EPHA2: variants seen among roughly 807,000 people sequenced by gnomAD.
The protein encoded by EPHA2 is ephrin type-A receptor 2.
EPHA2 carries 54 observed loss-of-function variants against 104.9 expected under a neutral mutation model. That is an observed-to-expected ratio of 0.51 (90% CI 0.41 to 0.65). The LOEUF (loss-of-function observed/expected upper bound fraction) is 0.65. EPHA2 is among the 30% of genes least tolerant of loss of function. The pLI is 0.00. For missense variants in EPHA2, 1,117 were observed against 1,369.5 expected (o/e 0.82, Z 2.91); for synonymous variants, 560 against 559.1 (o/e 1.00, Z -0.02).
At chr1:16,153,296 C>T (rs941870689) in intron 1 of EPHA2, 35 of 985,330 alleles carry the variant, frequency 3.6e-5, no homozygotes, top group East Asian at 1.1e-4. Flanking sequence ...GTTCCCTCCC[C>T]GCTTCCCCCA....
Position 16,133,848 on chromosome 1 carries a change from G to A in EPHA2, c.1738+12C>T, listed in dbSNP as rs1489517050. On this transcript the variant is annotated intron_variant, in intron 9 of 16. Coordinates refer to ENST00000358432, the MANE Select transcript of EPHA2 (RefSeq NM_004431.5). ...GGGCAGGGCTGGGCCTGGAGCGGGG[G>A]CTGCGTCTCACCTGACTTGGAGAAG... 5.8e-6 allele frequency: 9 copies of A among 1,544,012 alleles called. No homozygotes were observed. In the South Asian group the frequency reaches 7.2e-5, roughly 12 times the overall value.
In EPHA2 at chr1:16,133,315, CCTT is replaced by C. The variant is rs2024614685; in HGVS notation, c.1915_1917del (p.Lys639del). 6.2e-7 allele frequency: 1 copy of C among 1,613,872 alleles called. No homozygotes were observed. Among genetic ancestry groups the C allele is most frequent in the Non-Finnish European group, 8.5e-7 (1 of 1,179,950 alleles). ...AGCGTCTTGATGGCCACCGGCACCT[CCTT>C]CTTCCCCGAGGATGTCTTCAGCATG... On this transcript the variant is annotated inframe_deletion, in exon 11 of 17. Transcript: ENST00000358432.
rs1244783978 is a variant in EPHA2, at chr1:16,135,492, T to G, written c.1428+163A>C. 1 of 770,926 alleles carries G rather than the reference T, an allele frequency of 1.3e-6. No individual in the cohort carries two copies. Among genetic ancestry groups the G allele is most frequent in the East Asian group, 2.7e-5 (1 of 37,518 alleles). The allele number at this position is 770,926 out of a possible 1,614,324, so 47.8% of individuals were successfully genotyped here. A position where few individuals can be genotyped will look rare whatever the true frequency, so the allele number is the denominator to read the frequency against. The stretch of plus-strand genomic sequence containing the variant: ...TCTCTCGTACAAATCTCTGCTGTGC[T>G]GCCTTGGGAGATGTAACCCCCTGGC... On this transcript the variant is annotated intron_variant, in intron 6 of 16. Coordinates refer to ENST00000358432, the MANE Select transcript of EPHA2 (RefSeq NM_004431.5). The surrounding 1 kb of genome is among the most constrained non-coding windows in gnomAD (Gnocchi z 4.3).
rs2024438344 is a variant in EPHA2 at position 16,125,008 on chromosome 1, C to T, written c.*207G>A. ...GCTAAGTGCTCAGCTGTGTGCGTCT[C>T]GCAGGGAAAGAGGGCCCAGCCCAGC... On this transcript the variant is annotated 3_prime_UTR_variant, in exon 17 of 17. Coordinates refer to ENST00000358432, the MANE Select transcript of EPHA2 (RefSeq NM_004431.5). This position sits in a 1 kb window ranked among gnomAD's most constrained non-coding sequence, Gnocchi z 4.9. 6.6e-6 allele frequency: 4 copies of T among 607,920 alleles called. No homozygotes were observed. The highest frequency in any genetic ancestry group is 5.1e-5 in the Admixed American group (2 of 39,492). 37.7% of individuals were successfully genotyped at this position (607,920 alleles called of 1,614,324 possible).
Position 16,132,085 on chromosome 1 carries a change from G to C in EPHA2, c.2304C>G (p.Pro768=), listed in dbSNP as rs780234889. The change falls in exon 13 of 17, where the codon CCC becomes CCG. Residue 768 remains proline, a synonymous_variant. Transcript: ENST00000358432. ...FGLSRVLEDD[P]EATYTTSGGK... is the part of the protein sequence containing the mutation. ...TTACACTGGTGGTGTAGGTGGCCTC[G>C]GGGTCGTCCTCCAGCACGCGGGACA... 3.8e-5 allele frequency: 61 copies of C among 1,614,044 alleles called. No homozygotes were observed. Among genetic ancestry groups the C allele is most frequent in the Non-Finnish European group, 4.7e-5 (56 of 1,180,032 alleles).
rs979932770 is a variant in EPHA2, at chr1:16,130,581, C to G, written c.2476-162G>C. On this transcript the variant is annotated intron_variant, in intron 14 of 16. Coordinates refer to ENST00000358432, the MANE Select transcript of EPHA2 (RefSeq NM_004431.5). This position sits in a 1 kb window ranked among gnomAD's most constrained non-coding sequence, Gnocchi z 4.5. ...AGCTGCCACCCAACCTTCAGAGCTG[C>G]CCAAAGGGCAAATGCCTAAGGGTCT... Among the ~76,000 whole-genome samples, 6 of 152,046 alleles carry G rather than the reference C, an allele frequency of 3.9e-5. No individual in the cohort carries two copies. The highest frequency in any genetic ancestry group is 1.4e-4 in the African/African-American group (6 of 41,406).
In EPHA2 at chr1:16,145,247, G is replaced by C. The variant is rs555214780; in HGVS notation, c.823+3131C>G. On this transcript the variant is annotated intron_variant, in intron 3 of 16. Transcript: ENST00000358432. ...GCCCCCGGGGGACAGCGGTCAGCCC[G>C]AGCGACTCCACTGTCCCCGCAGGCA... is the stretch of plus-strand genomic sequence containing the variant. Among the ~76,000 whole-genome samples the C allele has an allele frequency of 6.6e-5, 10 of 152,314 alleles. No individual in the cohort carries two copies. In the South Asian group the frequency reaches 1.5e-3, roughly 22 times the overall value.
rs138164293 is a variant in EPHA2 at position 16,150,972 on chromosome 1, G to A, written c.86-9C>T. 13,481 of 1,614,034 alleles carry A rather than the reference G, an allele frequency of 8.4e-3. 70 individuals carry two copies. The highest frequency in any genetic ancestry group is 0.01 in the Non-Finnish European group (11,896 of 1,179,978). ...AAAGTCCAGCAGTACCACTGAAAGG[G>A]AGAAGGGAGAGGGGGTGAGCCTGGG... On this transcript the variant is annotated splice_polypyrimidine_tract_variant and intron_variant, in intron 1 of 16. Coordinates refer to ENST00000358432, the MANE Select transcript of EPHA2 (RefSeq NM_004431.5). The surrounding 1 kb of genome is among the most constrained non-coding windows in gnomAD (Gnocchi z 4.8).
At position 16,125,699 on chromosome 1, in the gene EPHA2, T is replaced by A. The variant is rs896779451; in HGVS notation, c.2826-379A>T. Among the ~76,000 whole-genome samples the A allele has an allele frequency of 6.6e-6, 1 of 152,194 alleles. No homozygotes were observed. Among genetic ancestry groups the A allele is most frequent in the African/African-American group, 2.4e-5 (1 of 41,446 alleles). On this transcript the variant is annotated intron_variant, in intron 16 of 16. Coordinates refer to ENST00000358432, the MANE Select transcript of EPHA2 (RefSeq NM_004431.5). This position sits in a 1 kb window ranked among gnomAD's most constrained non-coding sequence, Gnocchi z 4.9. ...CTGAGGTCAGAGAGGTAAAGTGACT[T>A]GCCTGAAGTCACACAGCTAGGAGGT...
chr1:16,138,204 TCAGTGCTGTGCTGGACC>T lies in EPHA2; in HGVS notation c.980-36_980-20del. On this transcript the variant is annotated intron_variant, in intron 4 of 16. Transcript: ENST00000358432. The stretch of plus-strand genomic sequence containing the variant: ...GGGGGTCCTGCACAGACAGGAGGAG[TCAGTGCTGTGCTGGACC>T]CAGGCGGACACGTCACCCTCAGTCA... 1.2e-6 allele frequency: 2 copies of T among 1,610,496 alleles called. No individual in the cohort carries two copies. Among genetic ancestry groups the T allele is most frequent in the Non-Finnish European group, 1.7e-6 (2 of 1,179,662 alleles).
rs745920967 is a variant in EPHA2, at chr1:16,148,375, C to T, written c.823+3G>A. On this transcript the variant is annotated splice_donor_region_variant and intron_variant, in intron 3 of 16. Transcript: ENST00000358432. The surrounding 1 kb of genome is among the most constrained non-coding windows in gnomAD (Gnocchi z 4.9). ...TTCCCTGCAACCCAGAACCGTCACT[C>T]ACCCTGGCAGGCATCCTCCACCTTC... 6.2e-7 allele frequency: 1 copy of T among 1,613,588 alleles called. No individual in the cohort carries two copies. The highest frequency in any genetic ancestry group is 1.1e-5 in the South Asian group (1 of 91,070).
chr1:16,129,618 G>A, intron 15 of EPHA2, 29 bp from the exon 16 acceptor site: 2 of 1,596,664 alleles, frequency 1.3e-6, no homozygotes, highest in African/African-American at 1.3e-5. Flanking sequence ...CAGGTGAGGG[G>A]CTGCAGCACC....
chr1:16,153,413 C>T (rs1042426281), intron 1 of EPHA2: 4 of 806,106 alleles, frequency 5.0e-6, no homozygotes, highest in Middle Eastern at 6.3e-4. Flanking sequence ...GACTTGGCCC[C>T]GGTAGAACCA....
chr1:16,142,694 G>A (rs2024846440), intron 3 of EPHA2, among the ~76,000 whole-genome samples: 3 of 143,956 alleles, frequency 2.1e-5, no homozygotes, highest in Admixed American at 6.9e-5. Flanking sequence ...GGATGGGTGG[G>A]TGGGTGGAGT....
At chr1:16,127,583 C>T (rs1363686859) in intron 16 of EPHA2, among the ~76,000 whole-genome samples, 1 of 152,304 alleles carries the variant, frequency 6.6e-6, no homozygotes, top group East Asian at 1.9e-4. Flanking sequence ...CATTCCCCTG[C>T]TACCAGCTCC....
intron 11 of EPHA2, 74 bp from the exon 12 acceptor site, chr1:16,132,513 AAGGTGGGCACAGGTGTAGGAG>A: frequency 6.5e-7 from 1 of 1,545,178 alleles, no homozygotes; most frequent in Non-Finnish European, 8.9e-7. Flanking sequence ...GATATGGGGG[AAGGTGGGCACAGGTGTAGGAG>A]AGGTGGGCAC....
At chr1:16,153,290 C>G (rs1262923296) in intron 1 of EPHA2, 8 of 985,320 alleles carry the variant, frequency 8.1e-6, no homozygotes, top group Non-Finnish European at 8.4e-6. Context: ...GCTGTGGTTC[C>G]CTCCCCGCTT....
At position 16,155,832 on chromosome 1, in the gene EPHA2, C is replaced by A; in HGVS notation, c.85+16G>T. ...GGGGCCCGGGGGCCAGGGGTCCAGACGCCGCGCGCACTCACCTTCCTTGCC... is the reference window on the plus strand; with the variant it reads ...GGGGCCCGGGGGCCAGGGGTCCAGAAGCCGCGCGCACTCACCTTCCTTGCC... On this transcript the variant is annotated intron_variant, in intron 1 of 16. Transcript: ENST00000358432. 7.0e-7 allele frequency: 1 copy of A among 1,418,888 alleles called. No homozygotes were observed. The allele number at this position is 1,418,888 out of a possible 1,614,324, so 87.9% of individuals were successfully genotyped here.
chr1:16,143,718 C>G (rs1283146504), intron 3 of EPHA2, among the ~76,000 whole-genome samples: 2 of 152,168 alleles, frequency 1.3e-5, no homozygotes, highest in African/African-American at 4.8e-5. Flanking sequence ...GGCAATTCAC[C>G]TAGGGCCAGT....
Sources: allele counts gnomAD v4.1 joint callset (sites outside exome capture counted in the v4.1 genomes callset), GRCh38; gene constraint gnomAD v4.1.1; non-coding constraint Gnocchi (gnomAD v3.1); transcripts MANE v1.5; gene names NCBI Gene and HGNC (gene_info 2026-07-23, HGNC 2026-07-21).